RBFOX1: variants seen among roughly 807,000 people sequenced by gnomAD.
RBFOX1 encodes the protein RNA binding fox-1 homolog 1, also known as RNA binding protein fox-1 homolog 1.
RBFOX1 carries 8 observed loss-of-function variants against 57.7 expected under a neutral mutation model. That is an observed-to-expected ratio of 0.14 (90% CI 0.08 to 0.25). The LOEUF is 0.25. Among genes scored for constraint, RBFOX1 ranks in the 10% least tolerant of loss-of-function variants. RBFOX1 has a pLI of 1.00. For synonymous variants in RBFOX1, 326 were observed against 222.4 expected, an observed-to-expected ratio of 1.47 and a Z score of -4.15; for missense variants, 611 against 548.5, an observed-to-expected ratio of 1.11 and a Z score of -1.14.
intron 4 of RBFOX1, among the ~76,000 whole-genome samples, chr16:5,880,918 T>C (rs2057746112): frequency 6.6e-6 from 1 of 152,230 alleles, no homozygotes; most frequent in Non-Finnish European, 1.5e-5. Flanking sequence ...TACCATAATT[T>C]GGAAGTAGCG....
chr16:6,794,723 G>A (rs759615200), intron 3 of RBFOX1, among the ~76,000 whole-genome samples: 1 of 152,170 alleles, frequency 6.6e-6, no homozygotes, highest in Admixed American at 6.5e-5. Context: ...CATAATAGCA[G>A]CTTGGATCCA....
At chr16:7,168,387 G>C (rs757367456) in intron 4 of RBFOX1, among the ~76,000 whole-genome samples, 28 of 152,136 alleles carry the variant, frequency 1.8e-4, no homozygotes, top group Non-Finnish European at 3.4e-4. Flanking sequence ...AAATGGGAAA[G>C]AGTGTACCTC....
intron 4 of RBFOX1, among the ~76,000 whole-genome samples, chr16:5,939,541 C>G (rs2059239301): frequency 6.6e-6 from 1 of 152,210 alleles, no homozygotes; most frequent in South Asian, 2.1e-4. Flanking sequence ...GCTGGCCGCC[C>G]TTCAGAGCCA....
chr16:5,391,575 A>G (rs2066408337), intron 1 of RBFOX1, among the ~76,000 whole-genome samples: 1 of 152,032 alleles, frequency 6.6e-6, no homozygotes, highest in Non-Finnish European at 1.5e-5. Flanking sequence ...CCAGTTCTGG[A>G]AGCCAAGGCT....
At chr16:7,101,343 A>G (rs1298329415) in intron 4 of RBFOX1, among the ~76,000 whole-genome samples, 2 of 152,332 alleles carry the variant, frequency 1.3e-5, no homozygotes, top group Admixed American at 1.3e-4. Flanking sequence ...ATTGAAAATA[A>G]AAGGGAATTT....
chr16:6,317,636 C>T lies in RBFOX1; in HGVS notation c.-64+579C>T, dbSNP rs368505089. Among the ~76,000 whole-genome samples, 6 of 152,040 alleles carry T rather than the reference C, an allele frequency of 3.9e-5. No individual in the cohort carries two copies. In the South Asian group the frequency reaches 6.2e-4, roughly 16 times the overall value. On this transcript the variant is annotated intron_variant, in intron 2 of 15. Transcript: ENST00000550418. ...AAGTAAGCATTTTTCCACTTTCTGC[C>T]TTTCTCATTGCATGCAAGGACTTTA...
At chr16:7,106,371 A>C (rs2063582966) in intron 4 of RBFOX1, among the ~76,000 whole-genome samples, 1 of 152,162 alleles carries the variant, frequency 6.6e-6, no homozygotes, top group Non-Finnish European at 1.5e-5. Flanking sequence ...TGGCAAATGG[A>C]GTCAGATTGA....
At chr16:5,609,712 G>T (rs1596442447) in intron 3 of RBFOX1, among the ~76,000 whole-genome samples, 1 of 152,150 alleles carries the variant, frequency 6.6e-6, no homozygotes, top group South Asian at 2.1e-4. Flanking sequence ...CTCATGCCTT[G>T]TGTCCTTTAC....
intron 3 of RBFOX1, among the ~76,000 whole-genome samples, chr16:6,842,289 C>T (rs574466592): frequency 3.3e-5 from 5 of 150,960 alleles, no homozygotes; most frequent in African/African-American, 1.2e-4. Flanking sequence ...GAAATAAAAA[C>T]AACTTTCTTA....
intron 1 of RBFOX1, chr16:6,092,774 A>G (rs530732689): frequency 6.6e-6 from 1 of 152,160 alleles, no homozygotes; most frequent in African/African-American, 2.4e-5. Context: ...CAGTAGTGCC[A>G]TGCTGTTTTG....
rs542065738 is a variant in RBFOX1 at position 5,802,494 on chromosome 16, C to G, written c.319-64809C>G. Among the ~76,000 whole-genome samples, 6 of 152,250 alleles carry G rather than the reference C, an allele frequency of 3.9e-5. No individual in the cohort carries two copies. In the South Asian group the frequency reaches 1.0e-3, roughly 26 times the overall value. ...GCTTAAAGTGATTCTTGGCCCTTCC[C>G]TCATCCCATCCTCTGCCATCACAGA... On this transcript the variant is annotated intron_variant, in intron 3 of 19. Transcript: ENST00000641259.
intron 3 of RBFOX1, among the ~76,000 whole-genome samples, chr16:7,037,051 G>C (rs549928112): frequency 1.3e-5 from 2 of 152,074 alleles, no homozygotes; most frequent in African/African-American, 4.8e-5. Flanking sequence ...AGGACAACCA[G>C]AGGTCACCTT....
chr16:7,092,149 CT>C (rs1378250365), intron 4 of RBFOX1, among the ~76,000 whole-genome samples: 1 of 152,190 alleles, frequency 6.6e-6, no homozygotes, highest in Non-Finnish European at 1.5e-5. Flanking sequence ...ACACACCCTT[CT>C]TTTCTCAATT....
chr16:6,469,087 A>T (rs2095116078), intron 2 of RBFOX1, among the ~76,000 whole-genome samples: 1 of 152,148 alleles, frequency 6.6e-6, no homozygotes, highest in South Asian at 2.1e-4. Flanking sequence ...AGCAACAAGA[A>T]CTTCAGACAG....
chr16:6,982,423 A>G (rs886830171), intron 3 of RBFOX1, among the ~76,000 whole-genome samples: 18 of 152,146 alleles, frequency 1.2e-4, no homozygotes, highest in African/African-American at 4.3e-4. Flanking sequence ...CTGGAGCATC[A>G]GTCATGTCTA....
chr16:6,240,512 C>G (rs958938566), intron 1 of RBFOX1, among the ~76,000 whole-genome samples: 1 of 152,060 alleles, frequency 6.6e-6, no homozygotes, highest in Non-Finnish European at 1.5e-5. Flanking sequence ...CATGAAGGTG[C>G]AAACTCACTC....
At chr16:6,860,008 G>A (rs1465563170) in intron 3 of RBFOX1, among the ~76,000 whole-genome samples, 2 of 152,164 alleles carry the variant, frequency 1.3e-5, no homozygotes, top group Non-Finnish European at 1.5e-5. Context: ...ACTGTAAAGT[G>A]TAGGAGTTAA....
intron 4 of RBFOX1, among the ~76,000 whole-genome samples, chr16:7,291,114 C>A (rs532265755): frequency 1.3e-5 from 2 of 152,084 alleles, no homozygotes; most frequent in Non-Finnish European, 2.9e-5. Flanking sequence ...GTGATTATAG[C>A]CCTAGGTTCA....
intron 2 of RBFOX1, among the ~76,000 whole-genome samples, chr16:6,651,907 A>T (rs2098599329): frequency 2.6e-5 from 4 of 152,178 alleles, no homozygotes; most frequent in Admixed American, 2.6e-4. Flanking sequence ...AAATTCTAAC[A>T]CATGCTACCA....
Sources: allele counts gnomAD v4.1 joint callset (sites outside exome capture counted in the v4.1 genomes callset), GRCh38; gene constraint gnomAD v4.1.1; transcripts MANE v1.5; gene names NCBI Gene and HGNC (gene_info 2026-07-23, HGNC 2026-07-21).